Variants in KCNIP4 observed in about 807,000 individuals in gnomAD.
KCNIP4 encodes potassium voltage-gated channel interacting protein 4, also known as Kv channel-interacting protein 4.
Under a neutral mutation model 34.0 loss-of-function variants are expected in KCNIP4, and 12 were observed. That is an observed-to-expected ratio of 0.35 (90% CI 0.23 to 0.57). The LOEUF is 0.57. Among genes scored for constraint, KCNIP4 ranks in the 20% least tolerant of loss-of-function variants. The pLI is 0.83. For missense variants in KCNIP4, 238 were observed against 311.7 expected, an observed-to-expected ratio of 0.76 and a Z score of 1.78; for synonymous variants, 124 against 102.2, an observed-to-expected ratio of 1.21 and a Z score of -1.29.
At chr4:21,144,433 A>G (rs959445230) in intron 1 of KCNIP4, among the ~76,000 whole-genome samples, 9 of 152,204 alleles carry the variant, frequency 5.9e-5, no homozygotes, top group Non-Finnish European at 1.0e-4. Context: ...GTTTATGTCA[A>G]AAAAAGAGCT....
At chr4:21,804,400 A>C (rs1182861268) in intron 1 of KCNIP4, among the ~76,000 whole-genome samples, 2 of 152,190 alleles carry the variant, frequency 1.3e-5, no homozygotes. Flanking sequence ...GAAATTATAT[A>C]TTTGATGAAC....
chr4:21,555,188 A>C (rs968389088), intron 1 of KCNIP4, among the ~76,000 whole-genome samples: 2 of 152,130 alleles, frequency 1.3e-5, no homozygotes, highest in African/African-American at 4.8e-5. Context: ...GAGGCAGGGC[A>C]AGCTGCATTA....
At chr4:20,821,872 A>G (rs1007500966) in intron 3 of KCNIP4, among the ~76,000 whole-genome samples, 3 of 150,374 alleles carry the variant, frequency 2.0e-5, no homozygotes, top group East Asian at 2.0e-4. Context: ...GTGTGTGTGT[A>G]TCTATGTATC....
chr4:21,582,515 T>C (rs1741312100), intron 1 of KCNIP4: 2 of 151,980 alleles, frequency 1.3e-5, no homozygotes, highest in South Asian at 2.1e-4. Flanking sequence ...TACCCCATCA[T>C]TGCCCTTCCT....
intron 1 of KCNIP4, among the ~76,000 whole-genome samples, chr4:21,434,585 G>T (rs1276135927): frequency 6.6e-6 from 1 of 151,982 alleles, no homozygotes; most frequent in Admixed American, 6.6e-5. Context: ...GAGCATTACT[G>T]CCTGAGCTCT....
At chr4:21,584,410 T>C (rs906030378) in intron 1 of KCNIP4, among the ~76,000 whole-genome samples, 1 of 152,080 alleles carries the variant, frequency 6.6e-6, no homozygotes. Flanking sequence ...TCATAAAGAA[T>C]TTGCATACCA....
intron 1 of KCNIP4, among the ~76,000 whole-genome samples, chr4:21,239,795 C>T (rs934838180): frequency 1.6e-4 from 25 of 152,118 alleles, no homozygotes; most frequent in African/African-American, 5.3e-4. Flanking sequence ...ACTAGTTCAA[C>T]CATTGTGGAA....
At position 21,024,881 on chromosome 4, in the gene KCNIP4, A is replaced by T. The variant is rs1218877150; in HGVS notation, c.62-142172T>A. Among the ~76,000 whole-genome samples the T allele has an allele frequency of 2.0e-5, 3 of 152,364 alleles. No homozygotes were observed. The East Asian group carries it at 5.8e-4, about 29-fold the overall frequency. On this transcript the variant is annotated intron_variant, in intron 1 of 8. Transcript: ENST00000382152. ...TCAAGTAAGTATGTTAGTTTCTTAA[A>T]GTGTCCAACCCTTCATCAAATTTTT...
At chr4:21,754,126 C>T (rs1294643562) in intron 1 of KCNIP4, among the ~76,000 whole-genome samples, 2 of 152,214 alleles carry the variant, frequency 1.3e-5, no homozygotes, top group African/African-American at 4.8e-5. Context: ...TCTTACAAAG[C>T]ATTGTACCTT....
At chr4:20,835,240 T>G (rs1473523814) in intron 3 of KCNIP4, among the ~76,000 whole-genome samples, 1 of 152,182 alleles carries the variant, frequency 6.6e-6, no homozygotes, top group Non-Finnish European at 1.5e-5. Context: ...CAGTGTCCTT[T>G]GCTATCTCTT....
chr4:21,392,500 C>A (rs1275171404), intron 1 of KCNIP4, among the ~76,000 whole-genome samples: 1 of 152,198 alleles, frequency 6.6e-6, no homozygotes, highest in East Asian at 1.9e-4. Context: ...TGAGCACTCA[C>A]AAGCTATGGA....
intron 1 of KCNIP4, among the ~76,000 whole-genome samples, chr4:21,833,858 C>T (rs926594125): frequency 6.6e-6 from 1 of 152,124 alleles, no homozygotes; most frequent in Non-Finnish European, 1.5e-5. Flanking sequence ...AATCCTTTCC[C>T]CATTGCTTGT....
intron 3 of KCNIP4, among the ~76,000 whole-genome samples, chr4:20,769,072 C>CAG (rs71653899): frequency 1.0e-5 from 1 of 99,786 alleles, no homozygotes; most frequent in East Asian, 2.7e-4. Context: ...GATTTACAGC[C>CAG]AAAAAAAAAA....
chr4:21,443,993 A>G (rs1727729054), intron 1 of KCNIP4, among the ~76,000 whole-genome samples: 1 of 152,132 alleles, frequency 6.6e-6, no homozygotes, highest in Non-Finnish European at 1.5e-5. Context: ...AATACTATAA[A>G]CACCTCTATG....
intron 1 of KCNIP4, among the ~76,000 whole-genome samples, chr4:21,858,958 A>T (rs1724908515): frequency 2.0e-5 from 3 of 152,190 alleles, no homozygotes; most frequent in Non-Finnish European, 2.9e-5. Flanking sequence ...AACAAACATG[A>T]TGTTATAATA....
chr4:21,025,869 A>T (rs982183024), intron 1 of KCNIP4, among the ~76,000 whole-genome samples: 8 of 152,028 alleles, frequency 5.3e-5, no homozygotes, highest in Non-Finnish European at 8.8e-5. Flanking sequence ...ACTGGTTTTT[A>T]AAATTTATTT....
chr4:21,566,275 C>T (rs1208153211), intron 1 of KCNIP4, among the ~76,000 whole-genome samples: 1 of 152,168 alleles, frequency 6.6e-6, no homozygotes, highest in East Asian at 1.9e-4. Context: ...CTCTAGACAA[C>T]AGGTGAATAG....
intron 1 of KCNIP4, among the ~76,000 whole-genome samples, chr4:21,111,794 C>T (rs375807408): frequency 7.9e-5 from 12 of 152,150 alleles, no homozygotes; most frequent in African/African-American, 2.6e-4. Context: ...GGAGACAGTG[C>T]GGAGAAATGA....
intron 1 of KCNIP4, among the ~76,000 whole-genome samples, chr4:21,581,351 A>G (rs1741183533): frequency 6.6e-6 from 1 of 151,922 alleles, no homozygotes; most frequent in South Asian, 2.1e-4. Flanking sequence ...AAGACTATAG[A>G]CATGTTCTTT....
Sources: allele counts gnomAD v4.1 joint callset (sites outside exome capture counted in the v4.1 genomes callset), GRCh38; gene constraint gnomAD v4.1.1; transcripts MANE v1.5; gene names NCBI Gene and HGNC (gene_info 2026-07-23, HGNC 2026-07-21).